Variants in SLC2A9 observed in about 807,000 individuals in gnomAD.
SLC2A9 encodes the protein solute carrier family 2 member 9.
Under a neutral mutation model 50.6 loss-of-function variants are expected in SLC2A9, and 39 were observed. The ratio of observed to expected loss-of-function variants is 0.77; its 90% CI spans 0.60 to 1.01. The LOEUF (loss-of-function observed/expected upper bound fraction) is 1.01, where lower values mean the gene tolerates loss of function less well. SLC2A9 is among the 50% of genes least tolerant of loss of function. The pLI is 0.00. For synonymous variants in SLC2A9, 324 were observed against 276.9 expected (o/e 1.17, Z -1.69); for missense variants, 686 against 677.6 (o/e 1.01, Z -0.14).
At chr4:9,956,537 C>T (rs1462095133) in intron 5 of SLC2A9, among the ~76,000 whole-genome samples, 2 of 152,046 alleles carry the variant, frequency 1.3e-5, no homozygotes, top group Non-Finnish European at 2.9e-5. Context: ...TGATACACAG[C>T]CACCTCCACC....
intron 5 of SLC2A9, among the ~76,000 whole-genome samples, chr4:9,963,464 C>CTACG (rs1752594126): frequency 6.6e-6 from 1 of 152,190 alleles, no homozygotes; most frequent in Admixed American, 6.5e-5. Context: ...ACGGTCAGCT[C>CTACG]TACGTTGATA....
rs1727378735 is a variant in SLC2A9, at chr4:9,838,068, GAA to G, written c.1292-3062_1292-3061del. On this transcript the variant is annotated intron_variant, in intron 10 of 11. Coordinates refer to ENST00000264784, the MANE Select transcript of SLC2A9 (RefSeq NM_020041.3). ...AACACTTAATATAAGTCTTGTACAT[GAA>G]GGGCACTCAATAGGTGTTAGATACT... Among the ~76,000 whole-genome samples the G allele has an allele frequency of 2.0e-5, 3 of 152,160 alleles. No individual in the cohort carries two copies. In the South Asian group the frequency reaches 6.2e-4, roughly 32 times the overall value.
intron 5 of SLC2A9, among the ~76,000 whole-genome samples, chr4:9,969,894 G>A (rs563492163): frequency 3.3e-5 from 5 of 152,332 alleles, no homozygotes; most frequent in Admixed American, 6.5e-5. Context: ...AGATCTGGGT[G>A]GAGATGAAGC....
chr4:9,806,728 A>C (rs1458354278), intron 3 of SLC2A9, among the ~76,000 whole-genome samples: 1 of 152,178 alleles, frequency 6.6e-6, no homozygotes, highest in Non-Finnish European at 1.5e-5. Flanking sequence ...TAGAGTGCCT[A>C]GCTTCACAGC....
At chr4:9,858,770 GTC>G (rs1248617360) in intron 10 of SLC2A9, among the ~76,000 whole-genome samples, 1 of 152,198 alleles carries the variant, frequency 6.6e-6, no homozygotes, top group Non-Finnish European at 1.5e-5. Context: ...TCCTGGGTGT[GTC>G]CGTGAGGGTG....
chr4:9,914,833 C>A (rs1274316699), intron 7 of SLC2A9, among the ~76,000 whole-genome samples: 1 of 152,178 alleles, frequency 6.6e-6, no homozygotes, highest in Non-Finnish European at 1.5e-5. Flanking sequence ...CAGTAAAAGG[C>A]TGCTTCCTTC....
Position 9,960,730 on chromosome 4 carries a change from T to C in SLC2A9, c.682-18685A>G, listed in dbSNP as rs964403468. Among the ~76,000 whole-genome samples the C allele has an allele frequency of 1.4e-4, 21 of 152,222 alleles. 1 individual carries two copies. The highest frequency in any genetic ancestry group is 1.2e-3 in the Admixed American group (18 of 15,288). The stretch of plus-strand genomic sequence containing the variant: ...GGCTTTTCTTGAAGGCTGAGTGACA[T>C]GGATTGAGAGGGGTGATGAGAGAGG... On this transcript the variant is annotated intron_variant, in intron 5 of 11. Coordinates refer to ENST00000264784, the MANE Select transcript of SLC2A9 (RefSeq NM_020041.3).
At chr4:10,010,454 T>C (rs567472336) in intron 2 of SLC2A9, among the ~76,000 whole-genome samples, 26 of 152,300 alleles carry the variant, frequency 1.7e-4, no homozygotes, top group Non-Finnish European at 2.5e-4. Flanking sequence ...TGTGTTACCA[T>C]ATGTTCACGG....
intron 11 of SLC2A9, 126 bp downstream of exon 11, chr4:9,834,755 C>T: frequency 1.4e-6 from 2 of 1,459,594 alleles, no homozygotes; most frequent in Non-Finnish European, 1.9e-6. Context: ...TTTCTTCCTT[C>T]CTTAGGAAAA....
chr4:9,950,046 T>C (rs1422770457), intron 5 of SLC2A9, among the ~76,000 whole-genome samples: 2 of 152,284 alleles, frequency 1.3e-5, no homozygotes, highest in East Asian at 3.9e-4. Context: ...AGCATGTGGC[T>C]GGTCGTGTTT....
intron 11 of SLC2A9, among the ~76,000 whole-genome samples, chr4:9,828,798 T>C (rs181147393): frequency 2.0e-5 from 3 of 152,364 alleles, no homozygotes; most frequent in Admixed American, 1.3e-4. Context: ...TGCAGCATTA[T>C]AGTGTGCAAC....
In SLC2A9 at chr4:9,977,648, G is replaced by A. The variant is rs185776752; in HGVS notation, c.681+2944C>T. Among the ~76,000 whole-genome samples the A allele has an allele frequency of 5.2e-4, 75 of 144,636 alleles. No individual in the cohort carries two copies. In the East Asian group the frequency reaches 0.014, roughly 26 times the overall value. 94.9% of individuals were successfully genotyped at this position (144,636 alleles called of 152,430 possible). A position where few individuals can be genotyped will look rare whatever the true frequency, so the allele number is the denominator to read the frequency against. Reference sequence around the variant, plus strand: ...CTCTTACCTCTGGCTAGAACTCCCCGCCCCCATTGCCTCTCTCTTCCTACA... The same window carrying A: ...CTCTTACCTCTGGCTAGAACTCCCCACCCCCATTGCCTCTCTCTTCCTACA... On this transcript the variant is annotated intron_variant, in intron 5 of 11. Coordinates refer to ENST00000264784, the MANE Select transcript of SLC2A9 (RefSeq NM_020041.3).
At chr4:10,030,275 T>A (rs942049993) in intron 1 of SLC2A9, among the ~76,000 whole-genome samples, 4 of 152,214 alleles carry the variant, frequency 2.6e-5, no homozygotes, top group Non-Finnish European at 5.9e-5. Flanking sequence ...GATGGAATCA[T>A]TCTATGTTGC....
intron 3 of SLC2A9, among the ~76,000 whole-genome samples, chr4:9,815,135 T>G (rs1723396123): frequency 6.6e-6 from 1 of 152,126 alleles, no homozygotes; most frequent in South Asian, 2.1e-4. Context: ...GTGAAAATAT[T>G]TATGCAAACT....
intron 4 of SLC2A9, among the ~76,000 whole-genome samples, chr4:9,984,412 G>A (rs1756371048): frequency 1.3e-5 from 2 of 150,780 alleles, no homozygotes; most frequent in Admixed American, 1.3e-4. Flanking sequence ...ATGTGTATAT[G>A]TGTGTGTGTG....
intron 1 of SLC2A9, among the ~76,000 whole-genome samples, chr4:9,774,468 A>G (rs1717266117): frequency 6.6e-6 from 1 of 152,178 alleles, no homozygotes; most frequent in Non-Finnish European, 1.5e-5. Flanking sequence ...CCTCCAGCCC[A>G]AATGTCATAT....
intron 7 of SLC2A9, among the ~76,000 whole-genome samples, chr4:9,911,513 G>A (rs865798942): frequency 5.9e-5 from 9 of 152,130 alleles, no homozygotes; most frequent in South Asian, 2.1e-4. Flanking sequence ...CAGCCCCCAC[G>A]GTGTGTGCTT....
intron 11 of SLC2A9, among the ~76,000 whole-genome samples, chr4:9,833,049 A>G (rs112704137): frequency 1.1e-4 from 16 of 152,344 alleles, no homozygotes; most frequent in African/African-American, 3.6e-4. Context: ...ATGTTGACAG[A>G]AGCAGCTTGA....
chr4:9,782,328 T>A (rs1647298950), intron 3 of SLC2A9: 1 of 1,613,920 alleles, frequency 6.2e-7, no homozygotes, highest in Non-Finnish European at 8.5e-7. Flanking sequence ...TGGAAGGCAG[T>A]CGCCGAGGTG....
Sources: gnomAD v4.1 joint callset for allele counts (sites outside exome capture counted in the v4.1 genomes callset) on GRCh38, gnomAD v4.1.1 for gene constraint, MANE v1.5 for transcripts, NCBI Gene and HGNC (gene_info 2026-07-23, HGNC 2026-07-21) for gene names.